The following AFF2 variants were observed in gnomAD, a reference collection of about 807,000 sequenced individuals.
AFF2 encodes the protein ALF transcription elongation factor 2, also known as AF4/FMR2 family member 2.
AFF2 carries 14 observed loss-of-function variants against 76.9 expected under a neutral mutation model. The observed-to-expected ratio is 0.18, with a 90% confidence interval of 0.12 to 0.28. AFF2 has a LOEUF of 0.28. Among genes scored for constraint, AFF2 ranks in the 10% least tolerant of loss-of-function variants. AFF2 has a pLI of 1.00. For synonymous variants in AFF2, 398 were observed against 366.7 expected, an observed-to-expected ratio of 1.09 and a Z score of -0.98; for missense variants, 868 against 1,001.1, an observed-to-expected ratio of 0.87 and a Z score of 1.79.
intron 9 of AFF2, among the ~76,000 whole-genome samples, chrX:148,919,091 T>C (rs782417077): frequency 3.6e-5 from 4 of 111,935 alleles, no homozygotes; most frequent in Admixed American, 9.5e-5. Context: ...TGCTGACTCA[T>C]TGGTACCTTC....
chrX:148,525,087 TA>T (rs1293977594), intron 1 of AFF2, among the ~76,000 whole-genome samples: 2 of 112,092 alleles, frequency 1.8e-5, no homozygotes, highest in African/African-American at 3.2e-5. Context: ...ATTATAGTAA[TA>T]TTTTCCTGCT....
chrX:148,540,839 T>C (rs2052846095), intron 1 of AFF2, among the ~76,000 whole-genome samples: 1 of 112,202 alleles, frequency 8.9e-6, no homozygotes, highest in South Asian at 3.7e-4. Context: ...TTACATCCAG[T>C]ATAAAGCTGT....
chrX:148,668,062 T>A lies in AFF2; in HGVS notation c.1041+5294T>A, dbSNP rs149106216. 5.6e-3 allele frequency among the ~76,000 whole-genome samples: 630 copies of A among 113,137 alleles called. 6 individuals carry two copies. The highest frequency in any genetic ancestry group is 0.019 in the African/African-American group (599 of 31,168). ...ACAAGCATTGGGTAAATACAGCTAT[T>A]CCAAATGGGAGAAATTGGCCAAAAC... On this transcript the variant is annotated intron_variant, in intron 3 of 20. Transcript: ENST00000370460.
intron 9 of AFF2, among the ~76,000 whole-genome samples, chrX:148,936,406 G>A (rs2071775872): frequency 8.9e-6 from 1 of 112,139 alleles, no homozygotes; most frequent in South Asian, 3.7e-4. Context: ...TGTCAAGTTA[G>A]CAGCGCACTC....
intron 3 of AFF2, among the ~76,000 whole-genome samples, chrX:148,794,916 C>T (rs1425028727): frequency 9.0e-6 from 1 of 111,655 alleles, no homozygotes; most frequent in African/African-American, 3.3e-5. Flanking sequence ...AACCCAGGGG[C>T]TAGTCTCCAC....
intron 3 of AFF2, among the ~76,000 whole-genome samples, chrX:148,760,850 G>T (rs1160989428): frequency 9.0e-6 from 1 of 111,687 alleles, no homozygotes; most frequent in Admixed American, 9.5e-5. Context: ...ATATAACTAG[G>T]TAAGATTTTA....
chrX:148,805,958 G>C (rs2070126370), intron 3 of AFF2, among the ~76,000 whole-genome samples: 1 of 112,641 alleles, frequency 8.9e-6, no homozygotes, highest in Non-Finnish European at 1.9e-5. Context: ...GGAGGGGGCG[G>C]AGAGGGGGAA....
chrX:148,593,964 A>G (rs1557246965), intron 1 of AFF2, among the ~76,000 whole-genome samples: 1 of 111,416 alleles, frequency 9.0e-6, no homozygotes, highest in Non-Finnish European at 1.9e-5. Context: ...AATGACCACT[A>G]CCAAAACAAT....
chrX:148,736,782 G>A (rs2055289997), intron 3 of AFF2, among the ~76,000 whole-genome samples: 1 of 111,651 alleles, frequency 9.0e-6, no homozygotes, highest in Admixed American at 9.5e-5. Context: ...ATCTTGTGTT[G>A]ATTTTTGTAT....
chrX:148,585,512 G>C (rs2053457655), intron 1 of AFF2, among the ~76,000 whole-genome samples: 1 of 111,632 alleles, frequency 9.0e-6, no homozygotes, highest in South Asian at 3.8e-4. Flanking sequence ...TCATGCAAAA[G>C]CATGAGGGCA....
chrX:148,681,662 AAGAG>A (rs1486228913), intron 3 of AFF2, among the ~76,000 whole-genome samples: 2 of 108,871 alleles, frequency 1.8e-5, no homozygotes, highest in Non-Finnish European at 1.9e-5. Context: ...GAAAGAAAGA[AAGAG>A]AAAGAAAGAA....
intron 12 of AFF2, among the ~76,000 whole-genome samples, chrX:148,961,233 C>A (rs2072105192): frequency 1.8e-5 from 2 of 112,047 alleles, no homozygotes; most frequent in South Asian, 7.4e-4. Context: ...CATTCACCTC[C>A]TGTAGATGCC....
chrX:148,873,091 T>C (rs1009669399), intron 7 of AFF2, among the ~76,000 whole-genome samples: 1 of 111,567 alleles, frequency 9.0e-6, no homozygotes, highest in African/African-American at 3.3e-5. Context: ...TCGGGTTTTA[T>C]TGGGAATGGG....
At chrX:148,527,234 T>C (rs972468578) in intron 1 of AFF2, among the ~76,000 whole-genome samples, 7 of 111,836 alleles carry the variant, frequency 6.3e-5, no homozygotes, top group Non-Finnish European at 1.9e-5. Context: ...CAATAGTACA[T>C]AATCTGGATT....
chrX:148,718,547 C>T (rs782533135), intron 3 of AFF2, among the ~76,000 whole-genome samples: 2 of 111,101 alleles, frequency 1.8e-5, no homozygotes, highest in African/African-American at 3.3e-5. Context: ...CTAACTGGGT[C>T]GCCGTGAAGT....
chrX:148,680,830 C>G (rs782553266), intron 3 of AFF2, among the ~76,000 whole-genome samples: 1 of 111,384 alleles, frequency 9.0e-6, no homozygotes, highest in South Asian at 3.8e-4. Flanking sequence ...TTGGCATCTG[C>G]ACTAAGCCCT....
At chrX:148,911,665 T>G (rs2071470762) in intron 9 of AFF2, among the ~76,000 whole-genome samples, 1 of 112,380 alleles carries the variant, frequency 8.9e-6, no homozygotes, top group African/African-American at 3.2e-5. Context: ...GGCAAATGTT[T>G]CATGAAACAC....
chrX:148,664,726 T>C (rs1382016243), intron 3 of AFF2, among the ~76,000 whole-genome samples: 1 of 112,772 alleles, frequency 8.9e-6, no homozygotes, highest in East Asian at 2.8e-4. Context: ...TAAATGTTTG[T>C]TGAATGAATG....
chrX:148,616,820 G>A (rs1314226105), intron 1 of AFF2, among the ~76,000 whole-genome samples: 1 of 108,244 alleles, frequency 9.2e-6, no homozygotes, highest in Non-Finnish European at 1.9e-5. Context: ...GAGAACATGC[G>A]GTGTTTGGTT....
Sources: gnomAD v4.1 joint callset for allele counts (sites outside exome capture counted in the v4.1 genomes callset) on GRCh38, gnomAD v4.1.1 for gene constraint, MANE v1.5 for transcripts, NCBI Gene and HGNC (gene_info 2026-07-23, HGNC 2026-07-21) for gene names.